Variants in CHSY3 observed in about 807,000 individuals in gnomAD.
CHSY3 encodes the protein chondroitin sulfate synthase 3, also known as N-acetylgalactosaminyl-proteoglycan 3-beta-glucuronosyltransferase 3.
A neutral mutation model predicts 67.2 loss-of-function variants in CHSY3; 35 were observed. The ratio of observed to expected loss-of-function variants is 0.52; its 90% CI spans 0.40 to 0.69. The LOEUF (loss-of-function observed/expected upper bound fraction) is 0.69. Ranked by LOEUF, CHSY3 falls within the 30% of genes least tolerant of loss-of-function variation. CHSY3 has a pLI of 0.00. For synonymous variants in CHSY3, 474 were observed against 434.7 expected, an observed-to-expected ratio of 1.09 and a Z score of -1.12; for missense variants, 1,069 against 1,138.5, an observed-to-expected ratio of 0.94 and a Z score of 0.88.
intron 2 of CHSY3, among the ~76,000 whole-genome samples, chr5:130,000,283 A>T (rs1024408530): frequency 2.0e-5 from 3 of 152,210 alleles, no homozygotes; most frequent in African/African-American, 7.2e-5. Context: ...CTATAAAAAT[A>T]ACACTTTGTA....
intron 2 of CHSY3, among the ~76,000 whole-genome samples, chr5:129,941,126 G>A (rs1761684768): frequency 6.6e-6 from 1 of 152,136 alleles, no homozygotes; most frequent in Non-Finnish European, 1.5e-5. Context: ...AGCTATTCCG[G>A]AGGCTGAAGT....
chr5:130,021,761 T>A (rs1764396902), intron 2 of CHSY3, among the ~76,000 whole-genome samples: 1 of 152,114 alleles, frequency 6.6e-6, no homozygotes, highest in South Asian at 2.1e-4. Flanking sequence ...TGATAAATAT[T>A]TAGAAAATGT....
At chr5:130,182,398 C>CT (rs1770275038) in intron 2 of CHSY3, among the ~76,000 whole-genome samples, 1 of 151,652 alleles carries the variant, frequency 6.6e-6, no homozygotes, top group Non-Finnish European at 1.5e-5. Context: ...GGAATTGGTT[C>CT]TTTTTCATAA....
chr5:130,078,781 T>C (rs1766353867), intron 2 of CHSY3, among the ~76,000 whole-genome samples: 1 of 152,140 alleles, frequency 6.6e-6, no homozygotes, highest in Admixed American at 6.6e-5. Context: ...CCTTCAGTGA[T>C]GCTCAGCTGG....
chr5:129,970,571 TTATC>T (rs892646493), intron 2 of CHSY3, among the ~76,000 whole-genome samples: 12 of 152,034 alleles, frequency 7.9e-5, no homozygotes, highest in Non-Finnish European at 1.8e-4. Flanking sequence ...AATCTTATAT[TTATC>T]TAAAGCATTT....
chr5:129,992,266 A>C (rs888672384), intron 2 of CHSY3, among the ~76,000 whole-genome samples: 4 of 152,222 alleles, frequency 2.6e-5, no homozygotes, highest in African/African-American at 9.6e-5. Flanking sequence ...AAATCTGACT[A>C]GAATTCAGTA....
At chr5:129,950,695 A>C (rs1379262266) in intron 2 of CHSY3, among the ~76,000 whole-genome samples, 2 of 152,178 alleles carry the variant, frequency 1.3e-5, no homozygotes, top group Non-Finnish European at 2.9e-5. Context: ...AATAGCAATA[A>C]ATTTAACAAG....
intron 2 of CHSY3, among the ~76,000 whole-genome samples, chr5:130,162,057 A>AAAAT: frequency 8.1e-6 from 1 of 122,988 alleles, no homozygotes; most frequent in East Asian, 2.4e-4. Context: ...AAAAAAAAAA[A>AAAAT]AAAGAAAGAA....
intron 2 of CHSY3, among the ~76,000 whole-genome samples, chr5:129,989,353 C>A (rs549197353): frequency 9.9e-5 from 15 of 150,932 alleles, no homozygotes; most frequent in Admixed American, 6.6e-4. Context: ...CCTCTGCCTC[C>A]GGGGTTCAAG....
chr5:130,157,820 A>T (rs1307524149), intron 2 of CHSY3, among the ~76,000 whole-genome samples: 2 of 152,172 alleles, frequency 1.3e-5, no homozygotes, highest in Non-Finnish European at 2.9e-5. Flanking sequence ...CTATATGCTA[A>T]ACAAGGGGTG....
intron 2 of CHSY3, among the ~76,000 whole-genome samples, chr5:129,980,233 C>T (rs1304780238): frequency 1.3e-5 from 2 of 152,288 alleles, no homozygotes; most frequent in East Asian, 1.9e-4. Context: ...GAGTTTCTGT[C>T]GCACCACATC....
At chr5:130,133,514 G>A (rs1211884742) in intron 2 of CHSY3, among the ~76,000 whole-genome samples, 5 of 152,028 alleles carry the variant, frequency 3.3e-5, no homozygotes, top group African/African-American at 9.7e-5. Flanking sequence ...GCTCACACCT[G>A]TAATCCCAGC....
intron 2 of CHSY3, among the ~76,000 whole-genome samples, chr5:130,172,474 G>A (rs963067362): frequency 3.2e-4 from 48 of 151,876 alleles, no homozygotes; most frequent in Non-Finnish European, 4.4e-5. Context: ...GGGACTACAG[G>A]TGTGTGCTAC....
chr5:130,153,041 G>A (rs1459974645), intron 2 of CHSY3, among the ~76,000 whole-genome samples: 1 of 152,082 alleles, frequency 6.6e-6, no homozygotes, highest in Non-Finnish European at 1.5e-5. Context: ...GACCAGCCTG[G>A]CCAAAGTGGT....
chr5:130,113,113 T>TAA (rs1767640625), intron 2 of CHSY3, among the ~76,000 whole-genome samples: 2 of 151,290 alleles, frequency 1.3e-5, no homozygotes, highest in Admixed American at 1.3e-4. Context: ...ATATAATACG[T>TAA]GTGTGTGTGT....
At chr5:130,130,595 G>A (rs777096372) in intron 2 of CHSY3, among the ~76,000 whole-genome samples, 5 of 152,142 alleles carry the variant, frequency 3.3e-5, no homozygotes, top group Admixed American at 1.3e-4. Flanking sequence ...TGCCCCAACT[G>A]TTGATGTTCA....
At chr5:130,003,202 A>T (rs965799292) in intron 2 of CHSY3, among the ~76,000 whole-genome samples, 23 of 152,184 alleles carry the variant, frequency 1.5e-4, no homozygotes, top group Non-Finnish European at 2.9e-4. Flanking sequence ...TGATACCATA[A>T]TGTGGTAGGA....
intron 2 of CHSY3, among the ~76,000 whole-genome samples, chr5:129,938,685 G>A (rs1761591550): frequency 6.6e-6 from 1 of 152,178 alleles, no homozygotes; most frequent in African/African-American, 2.4e-5. Flanking sequence ...CTTTGCTAAA[G>A]CATAACAAGT....
Position 129,905,473 on chromosome 5 carries a change from G to T in CHSY3, c.644G>T (p.Gly215Val). The change falls in exon 1 of 3, where the codon GGC becomes GTC. Residue 215 changes from glycine to valine, a missense_variant. Gly to Val is a moderately radical substitution (Grantham distance 109). Around this residue, in one of 5 missense-constraint regions of CHSY3, gnomAD observed 216 missense variants for 311.5 expected, o/e 0.69. Coordinates refer to ENST00000305031, the MANE Select transcript of CHSY3 (RefSeq NM_175856.5). ...TCCAGCCAGCAGCCCCCCAACGCCG[G>T]CCAGCCCCCGCCACCCCTGCCTGTC... Reference protein sequence around the residue: ...FFSSQQPPNAGQPPPPLPVIA... With the variant: ...FFSSQQPPNAVQPPPPLPVIA... The T allele has an allele frequency of 1.2e-6, 2 of 1,612,712 alleles. No individual in the cohort carries two copies.
Sources: allele counts gnomAD v4.1 joint callset (sites outside exome capture counted in the v4.1 genomes callset), GRCh38; gene constraint gnomAD v4.1.1; regional missense constraint gnomAD v4.1.1; transcripts MANE v1.5; gene names NCBI Gene and HGNC (gene_info 2026-07-23, HGNC 2026-07-21).